The following CRADD variants were observed in gnomAD, a reference collection of about 807,000 sequenced individuals.
The protein encoded by CRADD is death domain-containing protein CRADD.
A neutral mutation model predicts 15.5 loss-of-function variants in CRADD; 9 were observed. The ratio of observed to expected loss-of-function variants is 0.58; its 90% CI spans 0.35 to 1.01. CRADD has a LOEUF of 1.01. CRADD is among the 50% of genes least tolerant of loss of function. The pLI is 0.02. For missense variants in CRADD, 227 were observed against 250.3 expected (o/e 0.91, Z 0.63); for synonymous variants, 118 against 107.6 (o/e 1.10, Z -0.60).
At chr12:93,722,537 C>T (rs772493683) in intron 2 of CRADD, among the ~76,000 whole-genome samples, 1 of 152,000 alleles carries the variant, frequency 6.6e-6, no homozygotes, top group Non-Finnish European at 1.5e-5. Context: ...TCTTTCTTCT[C>T]TTTGCTTATC....
chr12:93,741,659 T>C, intron 2 of CRADD, among the ~76,000 whole-genome samples: 1 of 152,200 alleles, frequency 6.6e-6, no homozygotes, highest in South Asian at 2.1e-4. Flanking sequence ...TTACAAATTA[T>C]ATGGTCTGAT....
intron 2 of CRADD, among the ~76,000 whole-genome samples, chr12:93,874,605 C>A (rs890205584): frequency 5.3e-5 from 8 of 151,986 alleles, no homozygotes; most frequent in African/African-American, 1.7e-4. Context: ...AATTTTGCTG[C>A]ATCCCATAGG....
intron 2 of CRADD, among the ~76,000 whole-genome samples, chr12:93,762,993 A>C (rs1305429342): frequency 6.6e-6 from 1 of 152,198 alleles, no homozygotes; most frequent in African/African-American, 2.4e-5. Flanking sequence ...TTGGTGGCTA[A>C]AACGTAAGCA....
At chr12:93,838,470 G>C (rs1216525419) in intron 2 of CRADD, among the ~76,000 whole-genome samples, 1 of 151,694 alleles carries the variant, frequency 6.6e-6, no homozygotes, top group Non-Finnish European at 1.5e-5. Flanking sequence ...GGTACCGTGA[G>C]ACAGCTGGGT....
At chr12:93,751,328 C>A (rs1174847505) in intron 2 of CRADD, among the ~76,000 whole-genome samples, 1 of 152,180 alleles carries the variant, frequency 6.6e-6, no homozygotes, top group Non-Finnish European at 1.5e-5. Context: ...TTGAGAGCCT[C>A]TTGATCTAAA....
At chr12:93,755,099 G>A (rs996739818) in intron 2 of CRADD, among the ~76,000 whole-genome samples, 2 of 152,122 alleles carry the variant, frequency 1.3e-5, no homozygotes, top group Admixed American at 1.3e-4. Flanking sequence ...AAGGGGAATG[G>A]CCCTTTATAA....
At chr12:93,869,679 G>A (rs938335344) in intron 2 of CRADD, among the ~76,000 whole-genome samples, 1 of 152,014 alleles carries the variant, frequency 6.6e-6, no homozygotes, top group African/African-American at 2.4e-5. Flanking sequence ...ATGATGGATG[G>A]GATCAACATC....
At chr12:93,828,343 G>A (rs2137026888) in intron 2 of CRADD, among the ~76,000 whole-genome samples, 1 of 152,206 alleles carries the variant, frequency 6.6e-6, no homozygotes, top group East Asian at 1.9e-4. Context: ...ATTCTTTTAT[G>A]GATCATGCTT....
intron 2 of CRADD, among the ~76,000 whole-genome samples, chr12:93,742,086 G>C (rs1014389913): frequency 2.6e-5 from 4 of 152,094 alleles, no homozygotes; most frequent in Non-Finnish European, 4.4e-5. Context: ...ACCTCGAAAA[G>C]AAAAATCCTT....
intron 2 of CRADD, among the ~76,000 whole-genome samples, chr12:93,737,269 C>G (rs888321914): frequency 6.6e-6 from 1 of 152,098 alleles, no homozygotes; most frequent in Non-Finnish European, 1.5e-5. Flanking sequence ...TGAGATCTGA[C>G]AATGCCAAGG....
At chr12:93,890,746 T>C (rs1207835977) in intron 2 of CRADD, among the ~76,000 whole-genome samples, 2 of 150,612 alleles carry the variant, frequency 1.3e-5, no homozygotes, top group African/African-American at 4.9e-5. Flanking sequence ...TTGTTGTTGC[T>C]TGTTTTTTCT....
intron 2 of CRADD, among the ~76,000 whole-genome samples, chr12:93,739,561 A>G (rs1217793868): frequency 6.6e-6 from 1 of 151,882 alleles, no homozygotes; most frequent in African/African-American, 2.4e-5. Context: ...CAAAAGCATC[A>G]AGGCTGTCTC....
intron 2 of CRADD, among the ~76,000 whole-genome samples, chr12:93,720,045 TTTC>T (rs1956231374): frequency 6.6e-6 from 1 of 152,152 alleles, no homozygotes; most frequent in Admixed American, 6.5e-5. Context: ...ATCTTAGGTC[TTTC>T]TTCTTTCCTA....
chr12:93,713,859 T>A (rs1445132528), intron 2 of CRADD, among the ~76,000 whole-genome samples: 1 of 152,230 alleles, frequency 6.6e-6, no homozygotes, highest in Non-Finnish European at 1.5e-5. Context: ...ATTAATTTCA[T>A]CTGGCTTTTC....
chr12:93,842,908 C>T (rs1326548159), intron 2 of CRADD, among the ~76,000 whole-genome samples: 1 of 151,990 alleles, frequency 6.6e-6, no homozygotes, highest in Non-Finnish European at 1.5e-5. Flanking sequence ...ATATATTGCC[C>T]CTTTTGAAAC....
At chr12:93,681,100 T>G (rs909069507) in intron 2 of CRADD, among the ~76,000 whole-genome samples, 5 of 151,808 alleles carry the variant, frequency 3.3e-5, no homozygotes, top group Non-Finnish European at 7.4e-5. Flanking sequence ...GTCAGGCTGG[T>G]CTTAAACTCC....
chr12:93,837,754 T>C (rs1393019169), intron 2 of CRADD: 1 of 152,208 alleles, frequency 6.6e-6, no homozygotes, highest in Non-Finnish European at 1.5e-5. Context: ...AAAGATAATA[T>C]GTTTTATTGA....
chr12:93,846,250 A>T (rs1958114480), intron 2 of CRADD, among the ~76,000 whole-genome samples: 1 of 152,152 alleles, frequency 6.6e-6, no homozygotes, highest in Non-Finnish European at 1.5e-5. Flanking sequence ...TAGGTGTACG[A>T]ATTTCTCTTT....
At chr12:93,833,031 A>G (rs1957928133) in intron 2 of CRADD, among the ~76,000 whole-genome samples, 1 of 152,230 alleles carries the variant, frequency 6.6e-6, no homozygotes, top group Admixed American at 6.5e-5. Context: ...TGTGATTTAG[A>G]AATATTAGAA....
Sources: gnomAD v4.1 joint callset for allele counts (sites outside exome capture counted in the v4.1 genomes callset) on GRCh38, gnomAD v4.1.1 for gene constraint, MANE v1.5 for transcripts, NCBI Gene and HGNC (gene_info 2026-07-23, HGNC 2026-07-21) for gene names.